PLK1: variants seen among roughly 807,000 people sequenced by gnomAD.
The protein encoded by PLK1 is serine/threonine-protein kinase PLK1.
In PLK1, 6 loss-of-function variants were observed where a neutral mutation model predicts 56.7. The observed-to-expected ratio is 0.11, with a 90% confidence interval of 0.06 to 0.21. PLK1 has a LOEUF of 0.21. Among genes scored for constraint, PLK1 ranks in the 10% least tolerant of loss-of-function variants. The pLI, the probability that PLK1 is intolerant of heterozygous loss-of-function variation, is 1.00. For missense variants in PLK1, 546 were observed against 814.4 expected, an observed-to-expected ratio of 0.67 and a Z score of 4.01; for synonymous variants, 298 against 325.0, an observed-to-expected ratio of 0.92 and a Z score of 0.89.
At position 23,690,158 on chromosome 16, in the gene PLK1, GCC is replaced by G; in HGVS notation, c.*100_*101del. ...TCCCGCGGTGCCATGTCTGCAGTGT[GCC>G]CCCCAGCCCCGGTGGCTGGGCAGAG... On this transcript the variant is annotated 3_prime_UTR_variant, in exon 10 of 10. Transcript: ENST00000300093. 1 of 925,692 alleles carries G rather than the reference GCC, an allele frequency of 1.1e-6. No individual in the cohort carries two copies. The highest frequency in any genetic ancestry group is 1.7e-6 in the Non-Finnish European group (1 of 579,774). The allele number at this position is 925,692 out of a possible 1,614,324, so 57.3% of individuals were successfully genotyped here. A position where few individuals can be genotyped will look rare whatever the true frequency, so the allele number is the denominator to read the frequency against.
intron 7 of PLK1, 45 bp downstream of exon 7, chr16:23,688,790 T>A (rs1374167989): frequency 7.3e-7 from 1 of 1,365,098 alleles, no homozygotes; most frequent in Admixed American, 1.7e-5. Context: ...CACAGCCAGG[T>A]GACCTTTTCA....
chr16:23,687,540 G>T lies in PLK1; in HGVS notation c.1108G>T (p.Val370Phe). 1 of 1,605,014 alleles carries T rather than the reference G, an allele frequency of 6.2e-7. No individual in the cohort carries two copies. Residue 370 changes from valine to phenylalanine, a missense_variant, in exon 6 of 10, where the codon GTC (valine) becomes TTC (phenylalanine). Physicochemically the swap from Val to Phe is conservative, Grantham distance 50. Transcript: ENST00000300093. The part of the protein sequence containing the change: ...EPVVRETGEV[V>F]DCHLSDMLQQ... ...AGTGGTTCGAGAGACAGGTGAGGTG[G>T]TCGACTGCCACCTCAGTGACATGCT...
At position 23,690,160 on chromosome 16, in the gene PLK1, C is replaced by G. The variant is rs1208794902; in HGVS notation, c.*97C>G. 5 of 924,312 alleles carry G rather than the reference C, an allele frequency of 5.4e-6. No homozygotes were observed. In the East Asian group the frequency reaches 9.7e-5, roughly 18 times the overall value. 57.3% of individuals were successfully genotyped at this position (924,312 alleles called of 1,614,324 possible). On this transcript the variant is annotated 3_prime_UTR_variant, in exon 10 of 10. Coordinates refer to ENST00000300093, the MANE Select transcript of PLK1 (RefSeq NM_005030.6). Reference sequence around the variant, plus strand: ...CCGCGGTGCCATGTCTGCAGTGTGCCCCCCAGCCCCGGTGGCTGGGCAGAG... The same window carrying G: ...CCGCGGTGCCATGTCTGCAGTGTGCGCCCCAGCCCCGGTGGCTGGGCAGAG...
At chr16:23,684,381 TCTC>T (rs375369808) in intron 5 of PLK1, among the ~76,000 whole-genome samples, 173 of 152,348 alleles carry the variant, frequency 1.1e-3, no homozygotes, top group Non-Finnish European at 2.0e-3. Flanking sequence ...AGACAGGGTC[TCTC>T]CTCTATTTTC....
At position 23,689,862 on chromosome 16, in the gene PLK1, T is replaced by A; in HGVS notation, c.1611T>A (p.Asp537Glu). 1 of 1,613,416 alleles carries A rather than the reference T, an allele frequency of 6.2e-7. No homozygotes were observed. Among genetic ancestry groups the A allele is most frequent in the Non-Finnish European group, 8.5e-7 (1 of 1,179,426 alleles). ...NGSVQINFFQ[D>E]HTKLILCPLM... ...CCCCTGCTGCTCTTCTCTTGCAGGATCACACCAAGCTCATCTTGTGCCCAC... is the reference window on the plus strand; with the variant it reads ...CCCCTGCTGCTCTTCTCTTGCAGGAACACACCAAGCTCATCTTGTGCCCAC... The change falls in exon 10 of 10, where the codon GAT becomes GAA. Residue 537 changes from aspartate (D) to glutamate (E), a missense_variant and splice_region_variant. Physicochemically the swap from Asp to Glu is conservative, Grantham distance 45 (BLOSUM62 2). Transcript: ENST00000300093. This position sits in a 1 kb window ranked among gnomAD's most constrained non-coding sequence, Gnocchi z 4.8.
At chr16:23,686,105 C>T (rs984917840) in intron 5 of PLK1, among the ~76,000 whole-genome samples, 3 of 152,026 alleles carry the variant, frequency 2.0e-5, no homozygotes, top group Non-Finnish European at 2.9e-5. Flanking sequence ...GTGGCACAGT[C>T]GTACCTCACA....
chr16:23,687,341 T>G, intron 5 of PLK1, 128 bp from the exon 6 acceptor site: 1 of 700,240 alleles, frequency 1.4e-6, no homozygotes, highest in Admixed American at 2.9e-5. Flanking sequence ...GCTGCTCTAG[T>G]AACCAGGCAC....
chr16:23,681,086 C>T (rs780409582), intron 3 of PLK1, 28 bp downstream of exon 3: 1 of 1,605,586 alleles, frequency 6.2e-7, no homozygotes, highest in Admixed American at 1.7e-5. Context: ...TCTGGACCAA[C>T]CTGGTCTCAG....
intron 4 of PLK1, 64 bp from the exon 5 acceptor site, chr16:23,683,805 GA>G: frequency 7.9e-7 from 1 of 1,260,948 alleles, no homozygotes; most frequent in Admixed American, 1.7e-5. Flanking sequence ...CAGCTCCTTT[GA>G]GGCCGTACTG....
At chr16:23,680,294 G>A in intron 2 of PLK1, 42 bp downstream of exon 2, 1 of 1,583,234 alleles carries the variant, frequency 6.3e-7, no homozygotes, top group Admixed American at 1.7e-5. Context: ...ATCACTACAA[G>A]AGGCTGGAAT....
Position 23,687,475 on chromosome 16 carries a change from A to G in PLK1, c.1043A>G (p.Glu348Gly), listed in dbSNP as rs752470218. 2.5e-6 allele frequency: 4 copies of G among 1,574,140 alleles called. No homozygotes were observed. The highest frequency in any genetic ancestry group is 3.5e-5 in the Admixed American group (2 of 57,202). The change falls in exon 6 of 10, where the codon GAG becomes GGG. Residue 348 changes from glutamate (E) to glycine (G), a missense_variant. Physicochemically the swap from Glu to Gly is moderately conservative, Grantham distance 98 (BLOSUM62 -2). Around this residue, in one of 7 missense-constraint regions of PLK1, gnomAD observed 157 missense variants for 184.0 expected, o/e 0.85. Coordinates refer to ENST00000300093, the MANE Select transcript of PLK1 (RefSeq NM_005030.6). The part of the protein sequence containing the change: ...KPLTVLNKGL[E>G]NPLPERPREK... The stretch of plus-strand genomic sequence containing the variant: ...GTTTTTGTCACCTTCCTAGGCTTGG[A>G]GAACCCCCTGCCTGAGCGTCCCCGG...
In PLK1 at chr16:23,689,041, C is replaced by A. The variant is rs1959483997; in HGVS notation, c.1271-197C>A. On this transcript the variant is annotated intron_variant, in intron 7 of 9. Coordinates refer to ENST00000300093, the MANE Select transcript of PLK1 (RefSeq NM_005030.6). The surrounding 1 kb of genome is among the most constrained non-coding windows in gnomAD (Gnocchi z 4.8). ...GTGACTACAGGCGTGCACCATTATG[C>A]TCAGCTAATTTTTAAAATATTTTGT... Among the ~76,000 whole-genome samples, 3 of 152,136 alleles carry A rather than the reference C, an allele frequency of 2.0e-5. No individual in the cohort carries two copies. The highest frequency in any genetic ancestry group is 1.3e-4 in the Admixed American group (2 of 15,272).
In PLK1 at chr16:23,689,758, G is replaced by A; in HGVS notation, c.1608+82G>A. 6.5e-7 allele frequency: 1 copy of A among 1,532,210 alleles called. No homozygotes were observed. The highest frequency in any genetic ancestry group is 8.9e-7 in the Non-Finnish European group (1 of 1,118,054). 94.9% of individuals were successfully genotyped at this position (1,532,210 alleles called of 1,614,324 possible). ...CAGTGGCCCATGTGGGTTGAATGTG[G>A]AGTGAGCGGCTCAGGTACCTATAAC... On this transcript the variant is annotated intron_variant, in intron 9 of 9. Coordinates refer to ENST00000300093, the MANE Select transcript of PLK1 (RefSeq NM_005030.6). The surrounding 1 kb of genome is among the most constrained non-coding windows in gnomAD (Gnocchi z 4.8).
At position 23,689,427 on chromosome 16, in the gene PLK1, C is replaced by G. The variant is rs753469444; in HGVS notation, c.1425+35C>G. 4 of 1,600,500 alleles carry G rather than the reference C, an allele frequency of 2.5e-6. No homozygotes were observed. Among genetic ancestry groups the G allele is most frequent in the Non-Finnish European group, 2.6e-6 (3 of 1,168,514 alleles). On this transcript the variant is annotated intron_variant, in intron 8 of 9. Coordinates refer to ENST00000300093, the MANE Select transcript of PLK1 (RefSeq NM_005030.6). This position sits in a 1 kb window ranked among gnomAD's most constrained non-coding sequence, Gnocchi z 4.8. Reference sequence around the variant, plus strand: ...GTCCGGCCCATGGGGGGTGGTGTTGCAGAAGTGGGACCTGTGCTGGAGGAT... The same window carrying G: ...GTCCGGCCCATGGGGGGTGGTGTTGGAGAAGTGGGACCTGTGCTGGAGGAT...
rs1320583600 is a variant in PLK1 at position 23,679,491 on chromosome 16, A to G, written c.408+151A>G. 7.3e-6 allele frequency: 5 copies of G among 686,144 alleles called. No individual in the cohort carries two copies. The Admixed American group carries it at 1.5e-4, about 20-fold the overall frequency. 42.5% of individuals were successfully genotyped at this position (686,144 alleles called of 1,614,324 possible). On this transcript the variant is annotated intron_variant, in intron 1 of 9. Transcript: ENST00000300093. ...GGGAGCCTCCCGCTTACGTATGGAA[A>G]GTGTCTTTGGTAAGGGCTTCTTGGC...
Position 23,680,186 on chromosome 16 carries a change from C to CTCAA in PLK1, c.511_512insTCAA (p.Arg171LeufsTer17). The CTCAA allele has an allele frequency of 6.2e-7, 1 of 1,613,938 alleles. No homozygotes were observed. The highest frequency in any genetic ancestry group is 2.2e-5 in the East Asian group (1 of 44,860). On this transcript the variant is annotated frameshift_variant, in exon 2 of 10. Coordinates refer to ENST00000300093, the MANE Select transcript of PLK1 (RefSeq NM_005030.6). LOFTEE classifies it high-confidence loss of function. The stretch of plus-strand genomic sequence containing the variant: ...TGGCTGCCAGTACCTGCACCGAAAC[C>CTCAA]GAGTTATTCATCGAGACCTCAAGCT...
In PLK1 at chr16:23,679,391, C is replaced by T. The variant is rs764083379; in HGVS notation, c.408+51C>T. Reference sequence around the variant, plus strand: ...AACTGCCTGCGGGGCAGTTGGAGCGCCCAGACCTGGAGCTGCTGGAAAGAG... The same window carrying T: ...AACTGCCTGCGGGGCAGTTGGAGCGTCCAGACCTGGAGCTGCTGGAAAGAG... On this transcript the variant is annotated intron_variant, in intron 1 of 9. Coordinates refer to ENST00000300093, the MANE Select transcript of PLK1 (RefSeq NM_005030.6). 4.5e-6 allele frequency: 7 copies of T among 1,542,914 alleles called. No homozygotes were observed. In the East Asian group the frequency reaches 1.6e-4, roughly 35 times the overall value.
chr16:23,679,498 T>C (rs1959295866), intron 1 of PLK1, 158 bp downstream of exon 1: 1 of 650,464 alleles, frequency 1.5e-6, no homozygotes, highest in East Asian at 2.8e-5. Flanking sequence ...GAAAGTGTCT[T>C]TGGTAAGGGC....
Position 23,690,329 on chromosome 16 carries a change from T to C in PLK1, c.*266T>C, listed in dbSNP as rs1047611142. 1 of 565,204 alleles carries C rather than the reference T, an allele frequency of 1.8e-6. No homozygotes were observed. The highest frequency in any genetic ancestry group is 3.0e-5 in the Admixed American group (1 of 32,810). 35.0% of individuals were successfully genotyped at this position (565,204 alleles called of 1,614,324 possible). A position where few individuals can be genotyped will look rare whatever the true frequency, so the allele number is the denominator to read the frequency against. ...TTTCTATTGAATTCGGAACTGTCCT[T>C]TCCTTGGCTTTATGCACATTAAACA... is the stretch of plus-strand genomic sequence containing the variant. On this transcript the variant is annotated 3_prime_UTR_variant, in exon 10 of 10. Transcript: ENST00000300093.
Sources: gnomAD v4.1 joint callset for allele counts (sites outside exome capture counted in the v4.1 genomes callset) on GRCh38, gnomAD v4.1.1 for gene constraint, gnomAD v4.1.1 regional missense constraint, Gnocchi (gnomAD v3.1) non-coding constraint, MANE v1.5 for transcripts, NCBI Gene and HGNC (gene_info 2026-07-23, HGNC 2026-07-21) for gene names.